Variants in APCDD1L observed in about 807,000 individuals in gnomAD.
APCDD1L encodes the protein protein APCDD1-like.
APCDD1L carries 21 observed loss-of-function variants against 24.2 expected under a neutral mutation model. The observed-to-expected ratio is 0.87, with a 90% CI of 0.61 to 1.25. APCDD1L has a LOEUF of 1.25. APCDD1L is among the 50% of genes most tolerant of loss of function. The pLI is 0.00. For synonymous variants in APCDD1L, 321 were observed against 323.6 expected (o/e 0.99, Z 0.09); for missense variants, 704 against 711.7 (o/e 0.99, Z 0.12).
At position 58,482,156 on chromosome 20, in the gene APCDD1L, T is replaced by C. The variant is rs549501485; in HGVS notation, c.50-11409A>G. ...CAATTTTTCTTACATTGTATTGAGA[T>C]TAAGTTCGTGGTCTCTTTCATACAT... On this transcript the variant is annotated intron_variant, in intron 1 of 3. Coordinates refer to ENST00000371149, the MANE Select transcript of APCDD1L (RefSeq NM_153360.3). Among the ~76,000 whole-genome samples, 16 of 152,342 alleles carry C rather than the reference T, an allele frequency of 1.1e-4. 1 individual carries two copies. The South Asian group carries it at 3.1e-3, about 30-fold the overall frequency.
intron 1 of APCDD1L, among the ~76,000 whole-genome samples, chr20:58,475,718 T>C (rs942721942): frequency 1.7e-4 from 25 of 150,872 alleles, no homozygotes; most frequent in African/African-American, 5.9e-4. Context: ...GCAACAGGAG[T>C]CGATCCTTTC....
chr20:58,513,265 T>G (rs1212136323), intron 1 of APCDD1L, among the ~76,000 whole-genome samples: 1 of 152,176 alleles, frequency 6.6e-6, no homozygotes, highest in African/African-American at 2.4e-5. Context: ...CTTGTCACCC[T>G]TTCCAGTTTG....
chr20:58,484,686 C>G (rs577372358), intron 1 of APCDD1L, among the ~76,000 whole-genome samples: 1 of 152,140 alleles, frequency 6.6e-6, no homozygotes, highest in Non-Finnish European at 1.5e-5. Context: ...AGAGATGATG[C>G]AGGGGCAGAA....
At chr20:58,507,099 C>T (rs758298960) in intron 1 of APCDD1L, among the ~76,000 whole-genome samples, 7 of 152,136 alleles carry the variant, frequency 4.6e-5, no homozygotes, top group African/African-American at 7.2e-5. Flanking sequence ...AATTGAATCA[C>T]GGGGGCAGGT....
chr20:58,485,933 G>C (rs756635923), intron 1 of APCDD1L, among the ~76,000 whole-genome samples: 2 of 152,228 alleles, frequency 1.3e-5, no homozygotes, highest in African/African-American at 4.8e-5. Flanking sequence ...GGGCAGACCA[G>C]GGCCTAGAGT....
At chr20:58,479,276 T>C (rs1371831452) in intron 1 of APCDD1L, among the ~76,000 whole-genome samples, 4 of 152,222 alleles carry the variant, frequency 2.6e-5, no homozygotes, top group Non-Finnish European at 4.4e-5. Context: ...TTATGTGCTT[T>C]TCCCCCCCAT....
rs1006080687 is a variant in APCDD1L at position 58,515,228 on chromosome 20, A to C, written c.-521T>G. The C allele has an allele frequency of 1.1e-5, 2 of 177,930 alleles. No homozygotes were observed. Among genetic ancestry groups the C allele is most frequent in the Non-Finnish European group, 2.3e-5 (2 of 85,928 alleles). The allele number at this position is 177,930 out of a possible 1,614,324, so 11.0% of individuals were successfully genotyped here. On this transcript the variant is annotated 5_prime_UTR_variant, in exon 1 of 4. Coordinates refer to ENST00000371149, the MANE Select transcript of APCDD1L (RefSeq NM_153360.3). Reference sequence around the variant, plus strand: ...CAGTCCTGGGACCCCTGAAGTTTCTATTCAGGTCTTCCAGCTACTCCTGGA... The same window carrying C: ...CAGTCCTGGGACCCCTGAAGTTTCTCTTCAGGTCTTCCAGCTACTCCTGGA...
chr20:58,461,213 G>T lies in APCDD1L; in HGVS notation c.1083C>A (p.Thr361=). The T allele has an allele frequency of 6.2e-7, 1 of 1,613,580 alleles. No homozygotes were observed. The highest frequency in any genetic ancestry group is 1.3e-5 in the African/African-American group (1 of 75,034). ...LVFEVTRAHV[T]PMDQVTTAML... ...TGGCCGTGGTGACCTGGTCCATGGGGGTCACATGGGCCCGTGTGACCTCAA... is the reference window on the plus strand; with the variant it reads ...TGGCCGTGGTGACCTGGTCCATGGGTGTCACATGGGCCCGTGTGACCTCAA... Residue 361 remains threonine, a synonymous_variant, in exon 4 of 4, where the codon ACC becomes ACA. Coordinates refer to ENST00000371149, the MANE Select transcript of APCDD1L (RefSeq NM_153360.3). This position sits in a 1 kb window ranked among gnomAD's most constrained non-coding sequence, Gnocchi z 6.0.
At chr20:58,483,248 G>C (rs141086805) in intron 1 of APCDD1L, among the ~76,000 whole-genome samples, 4 of 152,280 alleles carry the variant, frequency 2.6e-5, no homozygotes, top group Admixed American at 6.5e-5. Flanking sequence ...TTGTCATGGG[G>C]AGAGCTAGAG....
Position 58,494,767 on chromosome 20 carries a change from C to G in APCDD1L, c.49+19892G>C, listed in dbSNP as rs1478924601. ...AAGTGCTACGAGCCCCGTACTTTGC[C>G]TGTGATTCCTGTCTCACGATCATCT... On this transcript the variant is annotated intron_variant, in intron 1 of 3. Coordinates refer to ENST00000371149, the MANE Select transcript of APCDD1L (RefSeq NM_153360.3). This position sits in a 1 kb window ranked among gnomAD's most constrained non-coding sequence, Gnocchi z 4.8. Among the ~76,000 whole-genome samples the G allele has an allele frequency of 6.6e-6, 1 of 152,194 alleles. No homozygotes were observed. Among genetic ancestry groups the G allele is most frequent in the African/African-American group, 2.4e-5 (1 of 41,440 alleles).
rs185933150 is a variant in APCDD1L at position 58,509,489 on chromosome 20, G to A, written c.49+5170C>T. 1.7e-3 allele frequency among the ~76,000 whole-genome samples: 266 copies of A among 152,212 alleles called. 1 individual carries two copies. The highest frequency in any genetic ancestry group is 6.3e-3 in the African/African-American group (260 of 41,510). ...GCCTCAGTTTCTTCATCTGTCAAAC[G>A]GGAGTGAAAACCTCCACCTTCCAAG... On this transcript the variant is annotated intron_variant, in intron 1 of 3. Coordinates refer to ENST00000371149, the MANE Select transcript of APCDD1L (RefSeq NM_153360.3).
At chr20:58,509,022 T>C (rs532887540) in intron 1 of APCDD1L, among the ~76,000 whole-genome samples, 20 of 140,950 alleles carry the variant, frequency 1.4e-4, no homozygotes, top group Middle Eastern at 3.7e-3. Context: ...GTGTGTGGAG[T>C]CAACGAGTCA....
chr20:58,463,906 G>GGGGGGGCC, intron 3 of APCDD1L, among the ~76,000 whole-genome samples: 1 of 105,082 alleles, frequency 9.5e-6, no homozygotes, highest in Non-Finnish European at 2.0e-5. Flanking sequence ...GGGGGGGGGG[G>GGGGGGGCC]CGTCACATTT....
Position 58,467,539 on chromosome 20 carries a change from G to T in APCDD1L, c.308C>A (p.Ser103Ter). 1.3e-6 allele frequency: 2 copies of T among 1,588,742 alleles called. No homozygotes were observed. The highest frequency in any genetic ancestry group is 1.7e-4 in the Middle Eastern group (1 of 5,984). The change falls in exon 3 of 4, where the codon TCG (serine) becomes TAG (stop). Residue 103 changes from serine (S) to a stop codon, truncating the protein, a stop_gained. Transcript: ENST00000371149. LOFTEE classifies it high-confidence loss of function. The surrounding 1 kb of genome is among the most constrained non-coding windows in gnomAD (Gnocchi z 5.9). Reference protein sequence around the residue: ...EDPFCGEPAHSLLVKGKVRLR... With the variant: ...EDPFCGEPAH ...GCGGACTTTGCCCTTGACGAGCAGC[G>T]AGTGGGCAGGTTCCCCGCAGAAGGG...
At chr20:58,503,672 G>A (rs1358326186) in intron 1 of APCDD1L, among the ~76,000 whole-genome samples, 1 of 152,160 alleles carries the variant, frequency 6.6e-6, no homozygotes, top group African/African-American at 2.4e-5. Context: ...AACGCACACT[G>A]AGCTCTAGGG....
intron 1 of APCDD1L, among the ~76,000 whole-genome samples, chr20:58,509,873 T>G (rs1465641830): frequency 6.6e-6 from 1 of 152,186 alleles, no homozygotes; most frequent in East Asian, 1.9e-4. Flanking sequence ...GAACACTCCA[T>G]TGCTCTTAAT....
At chr20:58,512,226 G>T (rs1262154353) in intron 1 of APCDD1L, among the ~76,000 whole-genome samples, 1 of 152,212 alleles carries the variant, frequency 6.6e-6, no homozygotes. Context: ...TTTTCTTGGG[G>T]CCCCACTGTG....
chr20:58,461,997 T>C lies in APCDD1L; in HGVS notation c.742-443A>G, dbSNP rs1002933866. Reference sequence around the variant, plus strand: ...AACTGGAATGCATCGTGCCTTACAGTACTAAAAAGCCCTAGAAAGCCGGGA... The same window carrying C: ...AACTGGAATGCATCGTGCCTTACAGCACTAAAAAGCCCTAGAAAGCCGGGA... On this transcript the variant is annotated intron_variant, in intron 3 of 3. Transcript: ENST00000371149. This position sits in a 1 kb window ranked among gnomAD's most constrained non-coding sequence, Gnocchi z 6.0. 5 of 165,372 alleles carry C rather than the reference T, an allele frequency of 3.0e-5. No homozygotes were observed. The highest frequency in any genetic ancestry group is 6.4e-5 in the Non-Finnish European group (5 of 77,538). The allele number at this position is 165,372 out of a possible 1,614,324, so 10.2% of individuals were successfully genotyped here. A position where few individuals can be genotyped will look rare whatever the true frequency, so the allele number is the denominator to read the frequency against.
rs769567351 is a variant in APCDD1L, at chr20:58,467,279, C to G, written c.568G>C (p.Gly190Arg). 2 of 1,558,728 alleles carry G rather than the reference C, an allele frequency of 1.3e-6. No individual in the cohort carries two copies. The highest frequency in any genetic ancestry group is 1.7e-6 in the Non-Finnish European group (2 of 1,158,866). Residue 190 changes from glycine (G) to arginine (R), a missense_variant, in exon 3 of 4, where the codon GGC (glycine) becomes CGC (arginine). By Grantham distance (125) the Gly-to-Arg change is moderately radical (BLOSUM62 -2). Coordinates refer to ENST00000371149, the MANE Select transcript of APCDD1L (RefSeq NM_153360.3). The surrounding 1 kb of genome is among the most constrained non-coding windows in gnomAD (Gnocchi z 5.9). The stretch of plus-strand genomic sequence containing the variant: ...AGGCTGAGCTCGTGCATGGTGAGGC[C>G]CAGCGCCTCCAGGCAGTCCCCCTGA... ...RAQGDCLEALGLTMHELSLVR... is the reference protein window; with the variant it reads ...RAQGDCLEALRLTMHELSLVR...
Sources: allele counts gnomAD v4.1 joint callset (sites outside exome capture counted in the v4.1 genomes callset), GRCh38; gene constraint gnomAD v4.1.1; non-coding constraint Gnocchi (gnomAD v3.1); transcripts MANE v1.5; gene names NCBI Gene and HGNC (gene_info 2026-07-23, HGNC 2026-07-21).